Variants in DAB1 observed in about 807,000 individuals in gnomAD.
DAB1 encodes DAB adaptor protein 1.
DAB1 carries 15 observed loss-of-function variants against 64.6 expected under a neutral mutation model. The observed-to-expected ratio is 0.23, with a 90% confidence interval of 0.16 to 0.36. DAB1 has a LOEUF of 0.36. Ranked by LOEUF, DAB1 falls within the 10% of genes least tolerant of loss-of-function variation. The pLI is 1.00. For synonymous variants in DAB1, 235 were observed against 251.9 expected (o/e 0.93, Z 0.64); for missense variants, 596 against 706.7 (o/e 0.84, Z 1.78).
intron 1 of DAB1, among the ~76,000 whole-genome samples, chr1:57,313,461 A>C (rs1674909896): frequency 6.6e-6 from 1 of 152,238 alleles, no homozygotes; most frequent in Admixed American, 6.5e-5. Context: ...TGAGTTTAAA[A>C]GAAGTGAAAA....
chr1:58,008,099 G>A (rs1405551772), intron 5 of DAB1, among the ~76,000 whole-genome samples: 1 of 152,124 alleles, frequency 6.6e-6, no homozygotes, highest in Non-Finnish European at 1.5e-5. Context: ...CAGACACTGT[G>A]TAGAGAACTC....
chr1:58,090,384 T>TA (rs1186213407), intron 5 of DAB1, among the ~76,000 whole-genome samples: 5 of 152,170 alleles, frequency 3.3e-5, no homozygotes, highest in Non-Finnish European at 5.9e-5. Context: ...CTGAGTGTGT[T>TA]AGAGTCAGAC....
At chr1:57,859,869 T>C (rs1278353141) in intron 1 of DAB1, among the ~76,000 whole-genome samples, 1 of 152,244 alleles carries the variant, frequency 6.6e-6, no homozygotes, top group Non-Finnish European at 1.5e-5. Context: ...TAAAAGCTAC[T>C]ATTAGACAAA....
intron 1 of DAB1, among the ~76,000 whole-genome samples, chr1:57,324,122 AT>A (rs777124834): frequency 6.6e-6 from 1 of 152,176 alleles, no homozygotes; most frequent in Non-Finnish European, 1.5e-5. Flanking sequence ...AATACAATCC[AT>A]TTTTATGCAG....
intron 4 of DAB1, among the ~76,000 whole-genome samples, chr1:58,165,978 T>C (rs953937489): frequency 6.6e-6 from 1 of 152,152 alleles, no homozygotes; most frequent in African/African-American, 2.4e-5. Context: ...AGAGACTAAG[T>C]AATGTTTTTA....
At chr1:57,364,489 A>T (rs1570374316) in intron 1 of DAB1, among the ~76,000 whole-genome samples, 1 of 152,172 alleles carries the variant, frequency 6.6e-6, no homozygotes, top group Non-Finnish European at 1.5e-5. Flanking sequence ...CAGAGGAAAG[A>T]TATCAGATTA....
chr1:57,049,518 GC>G (rs66672191), intron 9 of DAB1, among the ~76,000 whole-genome samples: 48,738 of 144,078 alleles, frequency 0.34, 9,086 homozygotes, highest in Middle Eastern at 0.46. Flanking sequence ...AACTGACAGA[GC>G]CTACAGGGAG....
chr1:57,965,455 T>G (rs1645641216), intron 5 of DAB1, among the ~76,000 whole-genome samples: 1 of 152,088 alleles, frequency 6.6e-6, no homozygotes, highest in South Asian at 2.1e-4. Context: ...AAAATCGAGT[T>G]GATAGGATCT....
chr1:57,009,874 T>C (rs939491726), intron 14 of DAB1, among the ~76,000 whole-genome samples: 4 of 152,302 alleles, frequency 2.6e-5, no homozygotes, highest in East Asian at 1.9e-4. Flanking sequence ...TGTAAGTACA[T>C]CTCTCTCAAA....
At chr1:58,491,191 A>G (rs1645681429) in intron 3 of DAB1, among the ~76,000 whole-genome samples, 1 of 152,108 alleles carries the variant, frequency 6.6e-6, no homozygotes. Flanking sequence ...GAGAAATAAA[A>G]TACTTTACAG....
At chr1:57,209,388 G>A (rs1364091227) in intron 2 of DAB1, among the ~76,000 whole-genome samples, 4 of 152,156 alleles carry the variant, frequency 2.6e-5, no homozygotes, top group African/African-American at 7.2e-5. Context: ...AAATGAATTG[G>A]GGGAAGTCTG....
rs539142953 is a variant in DAB1 at position 58,153,152 on chromosome 1, T to C, written n.310-2564A>G. On this transcript the variant is annotated intron_variant and non_coding_transcript_variant, in intron 4 of 20. Coordinates refer to the DAB1 transcript ENST00000485760. ...AAACCCTACCTGTCCATCTAGAGATTCGAAAGACAGAGACCATGTCTCATT... is the reference window on the plus strand; with the variant it reads ...AAACCCTACCTGTCCATCTAGAGATCCGAAAGACAGAGACCATGTCTCATT... 1.4e-3 allele frequency among the ~76,000 whole-genome samples: 207 copies of C among 152,346 alleles called. 1 individual carries two copies. Among genetic ancestry groups the C allele is most frequent in the Non-Finnish European group, 2.4e-3 (163 of 68,030 alleles).
intron 4 of DAB1, among the ~76,000 whole-genome samples, chr1:58,330,067 C>A (rs1662933702): frequency 6.6e-6 from 1 of 152,210 alleles, no homozygotes; most frequent in African/African-American, 2.4e-5. Flanking sequence ...AAAGCTAGGT[C>A]TCTTGCACCA....
intron 1 of DAB1, among the ~76,000 whole-genome samples, chr1:57,351,946 G>A (rs1678623710): frequency 6.6e-6 from 1 of 152,158 alleles, no homozygotes; most frequent in South Asian, 2.1e-4. Flanking sequence ...CCTAGCTATA[G>A]TCAGAAAGAA....
At chr1:58,396,348 T>C (rs1007150227) in intron 3 of DAB1, among the ~76,000 whole-genome samples, 6 of 152,092 alleles carry the variant, frequency 3.9e-5, no homozygotes, top group African/African-American at 1.4e-4. Context: ...TTCTCATTGT[T>C]AGGCATTCCC....
chr1:57,306,351 T>C (rs1327435456), intron 1 of DAB1, among the ~76,000 whole-genome samples: 1 of 152,172 alleles, frequency 6.6e-6, no homozygotes, highest in Non-Finnish European at 1.5e-5. Context: ...TGCATCTTCC[T>C]TTGCCTTTGT....
intron 11 of DAB1, among the ~76,000 whole-genome samples, chr1:57,017,507 A>G (rs956915304): frequency 2.6e-5 from 4 of 152,196 alleles, no homozygotes; most frequent in African/African-American, 9.6e-5. Flanking sequence ...TGACTGATAC[A>G]GGCTAGAGCC....
intron 7 of DAB1, among the ~76,000 whole-genome samples, chr1:57,630,781 C>T (rs1357483178): frequency 2.6e-5 from 4 of 152,120 alleles, no homozygotes; most frequent in African/African-American, 2.4e-5. Flanking sequence ...TGTTGGTATG[C>T]TATTTTCATT....
chr1:57,618,118 A>C (rs945687088), intron 7 of DAB1, among the ~76,000 whole-genome samples: 2 of 152,188 alleles, frequency 1.3e-5, no homozygotes, highest in East Asian at 1.9e-4. Flanking sequence ...AGAATATCAT[A>C]CTAAAGGAGA....
Sources: allele counts gnomAD v4.1 joint callset (sites outside exome capture counted in the v4.1 genomes callset), GRCh38; gene constraint gnomAD v4.1.1; transcripts MANE v1.5; gene names NCBI Gene and HGNC (gene_info 2026-07-23, HGNC 2026-07-21).